The following CACNA2D3 variants were observed in gnomAD, a reference collection of about 807,000 sequenced individuals.
The protein encoded by CACNA2D3 is calcium voltage-gated channel auxiliary subunit alpha2delta 3.
CACNA2D3 carries 60 observed loss-of-function variants against 160.6 expected under a neutral mutation model. That is an observed-to-expected ratio of 0.37 (90% CI 0.30 to 0.46). The LOEUF (loss-of-function observed/expected upper bound fraction) is 0.46. Ranked by LOEUF, CACNA2D3 falls within the 20% of genes least tolerant of loss-of-function variation. The probability of loss-of-function intolerance (pLI) is 1.00; values close to 1 mark genes in which losing one functional copy is unlikely to be tolerated. For missense variants in CACNA2D3, 1,205 were observed against 1,365.0 expected, an observed-to-expected ratio of 0.88 and a Z score of 1.85; for synonymous variants, 558 against 492.9, an observed-to-expected ratio of 1.13 and a Z score of -1.75.
In CACNA2D3 at chr3:54,433,663, C is replaced by G. The variant is rs183052182; in HGVS notation, c.381+46889C>G. On this transcript the variant is annotated intron_variant, in intron 4 of 37. Coordinates refer to ENST00000474759, the MANE Select transcript of CACNA2D3 (RefSeq NM_018398.3). ...GGGAGAAGACAGACGGCCTGCGGAC[C>G]TTTGCACTTGAGGAAGAGCATGGCT... is the stretch of plus-strand genomic sequence containing the variant. 3.0e-3 allele frequency among the ~76,000 whole-genome samples: 451 copies of G among 152,246 alleles called. 4 individuals are homozygous for G. The highest frequency in any genetic ancestry group is 9.9e-3 in the African/African-American group (413 of 41,560).
At chr3:54,913,121 G>A (rs1700593060) in intron 27 of CACNA2D3, among the ~76,000 whole-genome samples, 1 of 152,042 alleles carries the variant, frequency 6.6e-6, no homozygotes, top group Non-Finnish European at 1.5e-5. Flanking sequence ...ATCTCACTCG[G>A]TCACTCAGAC....
intron 34 of CACNA2D3, among the ~76,000 whole-genome samples, chr3:55,014,287 C>T (rs965813721): frequency 6.6e-5 from 10 of 152,126 alleles, no homozygotes. Context: ...ATGAGTCACT[C>T]TCTGTGGGAC....
At chr3:54,337,153 ATGC>A (rs1704403076) in intron 3 of CACNA2D3, among the ~76,000 whole-genome samples, 1 of 144,568 alleles carries the variant, frequency 6.9e-6, no homozygotes, top group Non-Finnish European at 1.5e-5. Flanking sequence ...TGATGGTGGT[ATGC>A]TGATGTCTGA....
At position 55,074,306 on chromosome 3, in the gene CACNA2D3, A is replaced by C. The variant is rs1704898962; in HGVS notation, c.*100A>C. On this transcript the variant is annotated 3_prime_UTR_variant, in exon 38 of 38. Coordinates refer to ENST00000474759, the MANE Select transcript of CACNA2D3 (RefSeq NM_018398.3). ...AATATGGTGCAACATACGAGACATG[A>C]ATATAGTCCAACCATCAGCATCTCA... 5.6e-6 allele frequency: 5 copies of C among 892,774 alleles called. No homozygotes were observed. Among genetic ancestry groups the C allele is most frequent in the Non-Finnish European group, 9.4e-6 (5 of 530,790 alleles). The allele number at this position is 892,774 out of a possible 1,614,324, so 55.3% of individuals were successfully genotyped here. A position where few individuals can be genotyped will look rare whatever the true frequency, so the allele number is the denominator to read the frequency against.
intron 35 of CACNA2D3, among the ~76,000 whole-genome samples, chr3:55,045,660 T>C (rs1274597387): frequency 6.6e-6 from 1 of 152,184 alleles, no homozygotes; most frequent in African/African-American, 2.4e-5. Flanking sequence ...TTCATCTAAG[T>C]TATTGAATTT....
At chr3:54,743,326 G>A (rs1196317193) in intron 11 of CACNA2D3, among the ~76,000 whole-genome samples, 2 of 152,092 alleles carry the variant, frequency 1.3e-5, no homozygotes, top group East Asian at 1.9e-4. Flanking sequence ...TGAGGATGAC[G>A]GTAACTGGGA....
chr3:54,605,821 G>A (rs1213109081), intron 9 of CACNA2D3, among the ~76,000 whole-genome samples: 2 of 152,200 alleles, frequency 1.3e-5, no homozygotes, highest in Non-Finnish European at 2.9e-5. Context: ...GACAGGAACT[G>A]ATTGACAGCT....
chr3:54,382,464 A>G (rs1699119183), intron 3 of CACNA2D3, among the ~76,000 whole-genome samples: 1 of 152,186 alleles, frequency 6.6e-6, no homozygotes, highest in South Asian at 2.1e-4. Flanking sequence ...TTAGATGATG[A>G]ATCAGTGTAT....
At chr3:54,165,338 G>A (rs1700431004) in intron 2 of CACNA2D3, among the ~76,000 whole-genome samples, 1 of 151,954 alleles carries the variant, frequency 6.6e-6, no homozygotes, top group Non-Finnish European at 1.5e-5. Context: ...GAGGACCACT[G>A]AACTAGCTTA....
chr3:55,021,703 ATATATGTGTGTG>A (rs1196633688), intron 35 of CACNA2D3, among the ~76,000 whole-genome samples: 5 of 139,828 alleles, frequency 3.6e-5, no homozygotes, highest in African/African-American at 1.5e-4. Context: ...GTGTGTATAT[ATATATGTGTGTG>A]TATATATATA....
At chr3:54,865,045 A>G (rs1345681362) in intron 17 of CACNA2D3, among the ~76,000 whole-genome samples, 1 of 152,220 alleles carries the variant, frequency 6.6e-6, no homozygotes, top group Non-Finnish European at 1.5e-5. Context: ...GCAGGGGGAA[A>G]CTGCCCAGTG....
At chr3:55,036,198 G>A (rs2107184323) in intron 35 of CACNA2D3, among the ~76,000 whole-genome samples, 1 of 152,234 alleles carries the variant, frequency 6.6e-6, no homozygotes, top group African/African-American at 2.4e-5. Flanking sequence ...TGTAATCCCA[G>A]CACTTTGGGA....
At chr3:54,865,385 C>T (rs892005844) in intron 17 of CACNA2D3, among the ~76,000 whole-genome samples, 1 of 152,246 alleles carries the variant, frequency 6.6e-6, no homozygotes, top group Non-Finnish European at 1.5e-5. Flanking sequence ...TTGTGACTCT[C>T]TCAAAGTACT....
intron 9 of CACNA2D3, among the ~76,000 whole-genome samples, chr3:54,600,115 A>G (rs1703035099): frequency 6.6e-6 from 1 of 152,134 alleles, no homozygotes. Flanking sequence ...GAACGTTGCC[A>G]GTTCTGCGGT....
intron 2 of CACNA2D3, among the ~76,000 whole-genome samples, chr3:54,231,966 G>T (rs1189085886): frequency 2.0e-5 from 3 of 152,216 alleles, no homozygotes; most frequent in African/African-American, 7.2e-5. Context: ...GTTCCCACAT[G>T]GTATGGCTTG....
At chr3:55,010,620 T>G (rs185549137) in intron 34 of CACNA2D3, among the ~76,000 whole-genome samples, 1 of 152,314 alleles carries the variant, frequency 6.6e-6, no homozygotes, top group South Asian at 2.1e-4. Flanking sequence ...CAGGGACTAG[T>G]AGGCTATTAC....
intron 9 of CACNA2D3, among the ~76,000 whole-genome samples, chr3:54,614,116 A>G (rs1004321333): frequency 2.0e-5 from 3 of 152,212 alleles, no homozygotes; most frequent in Admixed American, 6.5e-5. Context: ...TGATGACTCA[A>G]TGAATGCTGC....
intron 23 of CACNA2D3, among the ~76,000 whole-genome samples, chr3:54,886,387 T>C (rs1230924791): frequency 6.6e-6 from 1 of 152,206 alleles, no homozygotes; most frequent in Non-Finnish European, 1.5e-5. Context: ...GTGAGCCCAA[T>C]GTGTCATTGT....
At position 55,021,342 on chromosome 3, in the gene CACNA2D3, T is replaced by C. The variant is rs183046314; in HGVS notation, c.2987+3025T>C. Among the ~76,000 whole-genome samples, 3 of 152,018 alleles carry C rather than the reference T, an allele frequency of 2.0e-5. No individual in the cohort carries two copies. The East Asian group carries it at 5.8e-4, about 29-fold the overall frequency. On this transcript the variant is annotated intron_variant, in intron 35 of 37. Transcript: ENST00000474759. ...TAAAAATGTTACTGTATTTGTGATT[T>C]TGCCCCCTTTTAAAGTTTTTAATTG...
Sources: allele counts gnomAD v4.1 joint callset (sites outside exome capture counted in the v4.1 genomes callset), GRCh38; gene constraint gnomAD v4.1.1; transcripts MANE v1.5; gene names NCBI Gene and HGNC (gene_info 2026-07-23, HGNC 2026-07-21).